MYO1H: variants seen among roughly 807,000 people sequenced by gnomAD.
MYO1H encodes the protein myosin IH.
Under a neutral mutation model 149.3 loss-of-function variants are expected in MYO1H, and 118 were observed. The observed-to-expected ratio is 0.79, with a 90% CI of 0.68 to 0.92. The LOEUF (loss-of-function observed/expected upper bound fraction) is 0.92, where lower values mean the gene tolerates loss of function less well. Among genes scored for constraint, MYO1H ranks in the 40% least tolerant of loss-of-function variants. MYO1H has a pLI of 0.00. For synonymous variants in MYO1H, 447 were observed against 465.2 expected (o/e 0.96, Z 0.50); for missense variants, 1,212 against 1,280.7 (o/e 0.95, Z 0.82).
chr12:109,403,922 A>G lies in MYO1H; in HGVS notation c.751-60A>G, dbSNP rs1363713716. 2.6e-6 allele frequency: 3 copies of G among 1,132,120 alleles called. No homozygotes were observed. The African/African-American group carries it at 4.6e-5, about 17-fold the overall frequency. 70.1% of individuals were successfully genotyped at this position (1,132,120 alleles called of 1,614,324 possible). A position where few individuals can be genotyped will look rare whatever the true frequency, so the allele number is the denominator to read the frequency against. ...AGCTTTTGCATCTTCAGAGAGGAATAGACATGCTTAATTGCCCCTATAAAA... is the reference window on the plus strand; with the variant it reads ...AGCTTTTGCATCTTCAGAGAGGAATGGACATGCTTAATTGCCCCTATAAAA... On this transcript the variant is annotated intron_variant, in intron 6 of 31. Coordinates refer to ENST00000310903, the Ensembl canonical transcript of MYO1H.
the MYO1H span, among the ~76,000 whole-genome samples, chr12:109,338,579 C>G: frequency 6.6e-6 from 1 of 151,956 alleles, no homozygotes; most frequent in Non-Finnish European, 1.5e-5. Flanking sequence ...AGCAGCCTGG[C>G]CAACATGGTG....
intron 6 of MYO1H, among the ~76,000 whole-genome samples, chr12:109,401,711 T>A (rs1166992108): frequency 6.6e-6 from 1 of 152,112 alleles, no homozygotes; most frequent in Non-Finnish European, 1.5e-5. Flanking sequence ...CCCAAACCTA[T>A]GCTATCTCAT....
chr12:109,404,688 A>T (rs1432574646), intron 7 of MYO1H, among the ~76,000 whole-genome samples: 4 of 152,188 alleles, frequency 2.6e-5, no homozygotes, highest in Non-Finnish European at 5.9e-5. Flanking sequence ...ATTGTGTGCA[A>T]GGAGGAAGAG....
chr12:109,407,160 T>C (rs1870432415), intron 9 of MYO1H, among the ~76,000 whole-genome samples: 1 of 152,174 alleles, frequency 6.6e-6, no homozygotes, highest in Non-Finnish European at 1.5e-5. Context: ...TTAACTCCTC[T>C]TCATCCTTCA....
At chr12:109,332,632 C>T in the MYO1H span, among the ~76,000 whole-genome samples, 120 of 152,338 alleles carry the variant, frequency 7.9e-4, no homozygotes, top group Middle Eastern at 3.4e-3. Context: ...CGCTGGAGTG[C>T]AGTGGTGCAA....
At chr12:109,399,573 G>C (rs745334265) in intron 5 of MYO1H, among the ~76,000 whole-genome samples, 45 of 127,476 alleles carry the variant, frequency 3.5e-4, no homozygotes, top group Non-Finnish European at 5.7e-4. Flanking sequence ...GCCTGAGCAA[G>C]AGAGTGAGAC....
chr12:109,408,189 T>A (rs1194803130), intron 10 of MYO1H, among the ~76,000 whole-genome samples: 1 of 152,194 alleles, frequency 6.6e-6, no homozygotes, highest in Non-Finnish European at 1.5e-5. Flanking sequence ...TATTTTTATT[T>A]TTAGAGACAA....
At chr12:109,356,486 G>A (rs1036305829) in intron 1 of MYO1H, among the ~76,000 whole-genome samples, 2 of 152,062 alleles carry the variant, frequency 1.3e-5, no homozygotes, top group African/African-American at 4.8e-5. Flanking sequence ...AATGTGATCA[G>A]AATATATATC....
chr12:109,445,390 G>A (rs560028315), intron 30 of MYO1H, 123 bp from the exon 31 acceptor site: 16 of 754,474 alleles, frequency 2.1e-5, no homozygotes, highest in Middle Eastern at 3.5e-4. Context: ...ATAAAACACT[G>A]TAATAAAACA....
chr12:109,318,708 A>G, the MYO1H span, among the ~76,000 whole-genome samples: 6 of 152,102 alleles, frequency 3.9e-5, no homozygotes, highest in African/African-American at 1.2e-4. Flanking sequence ...AAAACAAGGA[A>G]GCAGGAGACA....
chr12:109,417,882 C>T (rs1401417392), intron 15 of MYO1H, among the ~76,000 whole-genome samples: 1 of 151,838 alleles, frequency 6.6e-6, no homozygotes, highest in Non-Finnish European at 1.5e-5. Context: ...GTGGCGCGAT[C>T]TCGGCTCACT....
At chr12:109,402,033 A>G (rs573269816) in intron 6 of MYO1H, among the ~76,000 whole-genome samples, 57 of 152,252 alleles carry the variant, frequency 3.7e-4, no homozygotes, top group African/African-American at 1.3e-3. Flanking sequence ...AGCCACTGTG[A>G]ACTACTTTTG....
At chr12:109,387,049 T>A (rs1450900681) in intron 1 of MYO1H, among the ~76,000 whole-genome samples, 1 of 148,748 alleles carries the variant, frequency 6.7e-6, no homozygotes, top group Non-Finnish European at 1.5e-5. Flanking sequence ...TGTAGTGTAG[T>A]GTAATGTAAT....
At chr12:109,446,869 G>A (rs1872502932) in intron 31 of MYO1H, among the ~76,000 whole-genome samples, 1 of 152,182 alleles carries the variant, frequency 6.6e-6, no homozygotes. Flanking sequence ...AGACTATAAG[G>A]TGTCTTTTTA....
rs918577081 is a variant in MYO1H at position 109,388,616 on chromosome 12, A to G, written c.13-67A>G. 5.9e-6 allele frequency: 8 copies of G among 1,345,978 alleles called. No homozygotes were observed. In the African/African-American group the frequency reaches 1.2e-4, roughly 20 times the overall value. The allele number at this position is 1,345,978 out of a possible 1,614,324, so 83.4% of individuals were successfully genotyped here. ...CAGGGTTTAGCATCTTGTTATTTCC[A>G]TGCATTAGACGTGTAATAGATATTA... On this transcript the variant is annotated intron_variant, in intron 1 of 31. Coordinates refer to ENST00000310903, the Ensembl canonical transcript of MYO1H.
At chr12:109,398,471 T>G (rs112986542) in intron 5 of MYO1H, among the ~76,000 whole-genome samples, 23,249 of 151,986 alleles carry the variant, frequency 0.15, 2,219 homozygotes, top group African/African-American at 0.26. Context: ...AAGGGCCGGA[T>G]GCAGTGGCTC....
chr12:109,377,589 C>A (rs552899693), intron 1 of MYO1H, among the ~76,000 whole-genome samples: 1 of 152,300 alleles, frequency 6.6e-6, no homozygotes, highest in South Asian at 2.1e-4. Context: ...AAACCATACC[C>A]AAACCAAAGC....
At chr12:109,419,087 T>G (rs1871055696) in intron 15 of MYO1H, among the ~76,000 whole-genome samples, 1 of 152,252 alleles carries the variant, frequency 6.6e-6, no homozygotes, top group South Asian at 2.1e-4. Context: ...AAATGCCTTT[T>G]ACTCTCAGTG....
chr12:109,351,128 T>C (rs1566016471), intron 1 of MYO1H, among the ~76,000 whole-genome samples: 1 of 152,214 alleles, frequency 6.6e-6, no homozygotes, highest in South Asian at 2.1e-4. Context: ...ACAAGTAATA[T>C]GTTGGGTTCA....
Sources: allele counts gnomAD v4.1 joint callset (sites outside exome capture counted in the v4.1 genomes callset), GRCh38; gene constraint gnomAD v4.1.1; transcripts MANE v1.5; gene names NCBI Gene and HGNC (gene_info 2026-07-23, HGNC 2026-07-21).